The following ACYP2 variants were observed in gnomAD, a reference collection of about 807,000 sequenced individuals.
The protein encoded by ACYP2 is acylphosphatase 2, also known as acylphosphatase-2.
In ACYP2, 12 loss-of-function variants were observed where a neutral mutation model predicts 11.2. The observed-to-expected ratio is 1.08, with a 90% CI of 0.69 to 1.74. ACYP2 has a LOEUF of 1.74. Ranked by LOEUF, ACYP2 falls within the 40% of genes most tolerant of loss-of-function variation. The pLI, the probability that ACYP2 is intolerant of heterozygous loss-of-function variation, is 0.00. For missense variants in ACYP2, 134 were observed against 101.9 expected, an observed-to-expected ratio of 1.31 and a Z score of -1.35; for synonymous variants, 43 against 32.2, an observed-to-expected ratio of 1.33 and a Z score of -1.13.
intron 2 of ACYP2, among the ~76,000 whole-genome samples, chr2:54,013,334 C>T (rs188679655): frequency 5.8e-4 from 86 of 148,558 alleles, no homozygotes; most frequent in Non-Finnish European, 9.1e-4. Flanking sequence ...CAGAGTCTTG[C>T]TCTGTTGCCC....
chr2:53,991,603 C>G (rs1175673497), intron 2 of ACYP2, among the ~76,000 whole-genome samples: 1 of 151,884 alleles, frequency 6.6e-6, no homozygotes, highest in Non-Finnish European at 1.5e-5. Context: ...CAGGGTTTCT[C>G]CATGTTGGTC....
intron 6 of ACYP2, among the ~76,000 whole-genome samples, chr2:54,147,658 A>G (rs931818545): frequency 6.6e-6 from 1 of 151,972 alleles, no homozygotes; most frequent in African/African-American, 2.4e-5. Context: ...CCGAGTAGCT[A>G]GGACTGCAGG....
rs151064048 is a variant in ACYP2, at chr2:54,114,887, T to C, written c.278-20566T>C. Among the ~76,000 whole-genome samples, 28 of 152,364 alleles carry C rather than the reference T, an allele frequency of 1.8e-4. No individual in the cohort carries two copies. The East Asian group carries it at 5.0e-3, about 27-fold the overall frequency. On this transcript the variant is annotated intron_variant, in intron 4 of 6. Coordinates refer to ENST00000607452, the MANE Select transcript of ACYP2 (RefSeq NM_001320586.2). ...TGACTGTACAGAAGAGCTCAAGATG[T>C]TGCAGACCTTATCTTAAAAGCTGGC...
At chr2:54,035,517 G>A (rs1674848934) in intron 2 of ACYP2, among the ~76,000 whole-genome samples, 1 of 151,884 alleles carries the variant, frequency 6.6e-6, no homozygotes, top group Non-Finnish European at 1.5e-5. Context: ...CACCCGCCTC[G>A]GCCTCCCAAA....
intron 6 of ACYP2, among the ~76,000 whole-genome samples, chr2:54,261,103 G>A (rs1367695978): frequency 6.6e-6 from 1 of 152,108 alleles, no homozygotes; most frequent in African/African-American, 2.4e-5. Flanking sequence ...CTCCCCAAGG[G>A]TACACATACA....
intron 6 of ACYP2, among the ~76,000 whole-genome samples, chr2:54,298,330 G>T (rs1163273015): frequency 8.2e-6 from 1 of 121,822 alleles, no homozygotes; most frequent in East Asian, 2.1e-4. Flanking sequence ...CATAATTCCA[G>T]ATTTATGAAA....
At chr2:54,257,023 A>G (rs1017398776) in intron 6 of ACYP2, among the ~76,000 whole-genome samples, 1 of 152,056 alleles carries the variant, frequency 6.6e-6, no homozygotes, top group African/African-American at 2.4e-5. Context: ...TCATCTTAAT[A>G]TGTGCCAATT....
chr2:54,014,074 C>A (rs1197608209), intron 2 of ACYP2, among the ~76,000 whole-genome samples: 1 of 151,860 alleles, frequency 6.6e-6, no homozygotes, highest in African/African-American at 2.4e-5. Flanking sequence ...AGGGGAATCG[C>A]TTGAACCTGG....
At chr2:54,032,411 G>A (rs1316297226) in intron 2 of ACYP2, among the ~76,000 whole-genome samples, 1 of 152,158 alleles carries the variant, frequency 6.6e-6, no homozygotes, top group Non-Finnish European at 1.5e-5. Flanking sequence ...GTTTTCATCA[G>A]GTTTGTCAAA....
chr2:54,084,564 T>G (rs1391857389), intron 4 of ACYP2: 1 of 152,266 alleles, frequency 6.6e-6, no homozygotes, highest in African/African-American at 2.4e-5. Flanking sequence ...AGTGCTGGGA[T>G]TACAGGCATG....
intron 2 of ACYP2, among the ~76,000 whole-genome samples, chr2:54,006,238 C>T (rs555520737): frequency 6.6e-6 from 1 of 152,290 alleles, no homozygotes; most frequent in African/African-American, 2.4e-5. Flanking sequence ...ACCTCTGCCT[C>T]CTGGGTTCAA....
chr2:54,070,153 C>T (rs1243293380), intron 4 of ACYP2, among the ~76,000 whole-genome samples: 2 of 151,794 alleles, frequency 1.3e-5, no homozygotes, highest in African/African-American at 4.8e-5. Context: ...GCCTGTAATC[C>T]CAGCTATTCA....
chr2:54,043,119 G>A (rs1471934107), intron 2 of ACYP2, among the ~76,000 whole-genome samples: 1 of 151,962 alleles, frequency 6.6e-6, no homozygotes, highest in Non-Finnish European at 1.5e-5. Flanking sequence ...AAAACTAGTG[G>A]CCTAAAAATA....
chr2:53,977,961 C>T (rs139548150), intron 2 of ACYP2, among the ~76,000 whole-genome samples: 6 of 151,922 alleles, frequency 3.9e-5, no homozygotes, highest in African/African-American at 1.2e-4. Flanking sequence ...GCTGGAAAAC[C>T]ATTAAGAAAT....
chr2:54,145,804 T>G (rs1423035967), intron 6 of ACYP2, among the ~76,000 whole-genome samples: 1 of 152,224 alleles, frequency 6.6e-6, no homozygotes, highest in Non-Finnish European at 1.5e-5. Flanking sequence ...TCCATCAATA[T>G]GTATTCCAAA....
chr2:54,241,895 C>T (rs1362314839), intron 6 of ACYP2, among the ~76,000 whole-genome samples: 1 of 152,076 alleles, frequency 6.6e-6, no homozygotes, highest in African/African-American at 2.4e-5. Context: ...CACCTATAAT[C>T]CCATCTACTC....
rs1040474904 is a variant in ACYP2, at chr2:54,050,879, A to G, written c.63-79A>G. On this transcript the variant is annotated intron_variant, in intron 2 of 6. Coordinates refer to ENST00000607452, the MANE Select transcript of ACYP2 (RefSeq NM_001320586.2). ...AGCCTTGAACTCCTGGGCTCAAGCA[A>G]TCCTCCTGCCTCAGCCTTCTGAGTA... The G allele has an allele frequency of 2.3e-4, 88 of 382,246 alleles. No homozygotes were observed. The Middle Eastern group carries it at 4.1e-3, about 18-fold the overall frequency. The allele number at this position is 382,246 out of a possible 1,614,324, so 23.7% of individuals were successfully genotyped here.
intron 2 of ACYP2, among the ~76,000 whole-genome samples, chr2:54,005,059 C>A (rs1001401903): frequency 1.3e-5 from 2 of 151,750 alleles, no homozygotes; most frequent in Admixed American, 1.3e-4. Context: ...GGTGTTGTAT[C>A]TAAAGAGTTA....
intron 2 of ACYP2, among the ~76,000 whole-genome samples, chr2:53,999,868 C>T (rs1290100916): frequency 6.6e-6 from 1 of 152,046 alleles, no homozygotes. Context: ...AGATTAAAAC[C>T]CCATGCAAAT....
Sources: gnomAD v4.1 joint callset for allele counts (sites outside exome capture counted in the v4.1 genomes callset) on GRCh38, gnomAD v4.1.1 for gene constraint, MANE v1.5 for transcripts, NCBI Gene and HGNC (gene_info 2026-07-23, HGNC 2026-07-21) for gene names.